The following SMARCD2 variants were observed in gnomAD, a reference collection of about 807,000 sequenced individuals.
SMARCD2 encodes SWI/SNF related BAF chromatin remodeling complex subunit D2.
SMARCD2 carries 39 observed loss-of-function variants against 70.4 expected under a neutral mutation model. The ratio of observed to expected loss-of-function variants is 0.55; its 90% CI spans 0.43 to 0.72. SMARCD2 has a LOEUF of 0.72. SMARCD2 is among the 30% of genes least tolerant of loss of function. SMARCD2 has a pLI of 0.00. For synonymous variants in SMARCD2, 249 were observed against 279.4 expected, an observed-to-expected ratio of 0.89 and a Z score of 1.08; for missense variants, 540 against 713.4, an observed-to-expected ratio of 0.76 and a Z score of 2.77.
At position 63,834,843 on chromosome 17, in the gene SMARCD2, A is replaced by C; in HGVS notation, c.724-43T>G. The C allele has an allele frequency of 7.6e-7, 1 of 1,324,378 alleles. No homozygotes were observed. 82.0% of individuals were successfully genotyped at this position (1,324,378 alleles called of 1,614,324 possible). On this transcript the variant is annotated intron_variant, in intron 5 of 12. Coordinates refer to ENST00000448276, the MANE Select transcript of SMARCD2 (RefSeq NM_001098426.2). This position sits in a 1 kb window ranked among gnomAD's most constrained non-coding sequence, Gnocchi z 5.6. ...TGTGAGATGGTGCTGCTGAGCTCTCAAATCTCAAGCTATGCTAAATCCCAA... is the reference window on the plus strand; with the variant it reads ...TGTGAGATGGTGCTGCTGAGCTCTCCAATCTCAAGCTATGCTAAATCCCAA...
Position 63,833,255 on chromosome 17 carries a change from C to T in SMARCD2, c.1440+43G>A. The T allele has an allele frequency of 6.2e-7, 1 of 1,613,522 alleles. No homozygotes were observed. Among genetic ancestry groups the T allele is most frequent in the Non-Finnish European group, 8.5e-7 (1 of 1,179,524 alleles). ...GGGAACTGCTGTGGGTAAAAATCAC[C>T]CAGAGCTTTACATAGGAGTCCCCTC... On this transcript the variant is annotated intron_variant, in intron 11 of 12. Transcript: ENST00000448276. This position sits in a 1 kb window ranked among gnomAD's most constrained non-coding sequence, Gnocchi z 4.3.
rs759533186 is a variant in SMARCD2, at chr17:63,833,718, C to G, written c.1186G>C (p.Asp396His). 1.2e-6 allele frequency: 2 copies of G among 1,613,942 alleles called. No homozygotes were observed. Among genetic ancestry groups the G allele is most frequent in the East Asian group, 2.2e-5 (1 of 44,878 alleles). Residue 396 changes from aspartate (D) to histidine (H), a missense_variant, in exon 10 of 13, where the codon GAC (aspartate) becomes CAC (histidine). Asp to His is a moderately conservative substitution (Grantham distance 81). Coordinates refer to ENST00000448276, the MANE Select transcript of SMARCD2 (RefSeq NM_001098426.2). This position sits in a 1 kb window ranked among gnomAD's most constrained non-coding sequence, Gnocchi z 4.3. ...PIVINHVISV[D>H]PNDQKKTACY... is the part of the protein sequence containing the mutation. ...GCTGTCTTCTTCTGGTCGTTAGGGT[C>G]GACACTGCAGGCAGCACATGGGGAG...
Position 63,833,990 on chromosome 17 carries a change from C to A in SMARCD2, c.1100G>T (p.Arg367Leu). The A allele has an allele frequency of 1.2e-6, 2 of 1,613,782 alleles. No individual in the cohort carries two copies. Among genetic ancestry groups the A allele is most frequent in the South Asian group, 1.1e-5 (1 of 91,074 alleles). ...CATGGGAATCTCGGAGAAACGGAGTCGGCCACAACTGAAGATCTGGAGGAA... is the reference window on the plus strand; with the variant it reads ...CATGGGAATCTCGGAGAAACGGAGTAGGCCACAACTGAAGATCTGGAGGAA... ...RYFRQIFSCG[R>L]LRFSEIPMKL... The change falls in exon 9 of 13, where the codon CGA becomes CTA. Residue 367 changes from arginine to leucine, a missense_variant. Coordinates refer to ENST00000448276, the MANE Select transcript of SMARCD2 (RefSeq NM_001098426.2). The surrounding 1 kb of genome is among the most constrained non-coding windows in gnomAD (Gnocchi z 4.3).
At chr17:63,842,228 G>C (rs1904492918) in intron 1 of SMARCD2, among the ~76,000 whole-genome samples, 1 of 152,028 alleles carries the variant, frequency 6.6e-6, no homozygotes, top group South Asian at 2.1e-4. Context: ...CCTGTGCCGC[G>C]GAAGCCCCCA....
intron 4 of SMARCD2, 118 bp downstream of exon 4, chr17:63,836,804 G>A: frequency 1.2e-6 from 1 of 844,126 alleles, no homozygotes; most frequent in Non-Finnish European, 2.0e-6. Flanking sequence ...TCTACTAGTG[G>A]GCTGCATCCT....
chr17:63,839,342 A>G, intron 1 of SMARCD2: 1 of 505,912 alleles, frequency 2.0e-6, no homozygotes, highest in Non-Finnish European at 2.6e-6. Context: ...AACCTGCAGC[A>G]CCACCCATCC....
rs191015799 is a variant in SMARCD2 at position 63,832,948 on chromosome 17, C to T, written c.1586G>A (p.Arg529His). 33 of 1,568,896 alleles carry T rather than the reference C, an allele frequency of 2.1e-5. No individual in the cohort carries two copies. Among genetic ancestry groups the T allele is most frequent in the Admixed American group, 3.7e-5 (2 of 53,636 alleles). The change falls in exon 13 of 13, where the codon CGC (arginine) becomes CAC (histidine). Residue 529 changes from arginine to histidine, a missense_variant. Physicochemically the swap from Arg to His is conservative, Grantham distance 29. Transcript: ENST00000448276. ...RQELEQVLGI[R>H]LT ...AAGATCCCTGAGCAGTTAGGTCAGG[C>T]GAATTCCCAGCACCTGTTCCAGTTC...
intron 4 of SMARCD2, among the ~76,000 whole-genome samples, chr17:63,835,894 A>C (rs1330593567): frequency 2.6e-5 from 4 of 152,044 alleles, no homozygotes; most frequent in Non-Finnish European, 4.4e-5. Context: ...ATGCCCAGCT[A>C]ATTTTTTGTG....
intron 1 of SMARCD2, 71 bp downstream of exon 1, chr17:63,842,388 C>T (rs1904503220): frequency 1.6e-6 from 2 of 1,265,520 alleles, no homozygotes; most frequent in East Asian, 3.8e-5. Context: ...CACTCGAGGC[C>T]CCTTCAGCCG....
chr17:63,837,053 A>G lies in SMARCD2; in HGVS notation c.445-9T>C. The G allele has an allele frequency of 6.2e-7, 1 of 1,613,146 alleles. No homozygotes were observed. The highest frequency in any genetic ancestry group is 8.5e-7 in the Non-Finnish European group (1 of 1,179,118). On this transcript the variant is annotated splice_polypyrimidine_tract_variant and intron_variant, in intron 3 of 12. Transcript: ENST00000448276. The surrounding 1 kb of genome is among the most constrained non-coding windows in gnomAD (Gnocchi z 6.4). ...GGAACAAGCTCCCGGATCTGAAGGAAGGTAGCAGAAGCTCATCAGCTTGCT... is the reference window on the plus strand; with the variant it reads ...GGAACAAGCTCCCGGATCTGAAGGAGGGTAGCAGAAGCTCATCAGCTTGCT...
chr17:63,837,586 C>T lies in SMARCD2; in HGVS notation c.256G>A (p.Gly86Ser), dbSNP rs2040282737. 5 of 1,613,002 alleles carry T rather than the reference C, an allele frequency of 3.1e-6. No homozygotes were observed. The highest frequency in any genetic ancestry group is 4.2e-6 in the Non-Finnish European group (5 of 1,179,630). The stretch of plus-strand genomic sequence containing the variant: ...CCAGCAGGGGGTCCCACCTGCAAGC[C>T]AGCCATGGGCATCCGGTTCCCTGGT... Reference protein sequence around the residue: ...MSPGNRMPMAGLQVGPPAGSP... With the variant: ...MSPGNRMPMASLQVGPPAGSP... Residue 86 changes from glycine (G) to serine (S), a missense_variant, in exon 2 of 13, where the codon GGC becomes AGC. Physicochemically the swap from Gly to Ser is moderately conservative, Grantham distance 56 (BLOSUM62 0). Transcript: ENST00000448276. The surrounding 1 kb of genome is among the most constrained non-coding windows in gnomAD (Gnocchi z 6.4).
At chr17:63,836,815 G>GC in intron 4 of SMARCD2, 107 bp downstream of exon 4, 1 of 1,001,246 alleles carries the variant, frequency 1.0e-6, no homozygotes, top group Non-Finnish European at 1.5e-6. Flanking sequence ...GCTGCATCCT[G>GC]CATGTGAAAA....
In SMARCD2 at chr17:63,837,267, T is replaced by TC; in HGVS notation, c.402-31dup. The TC allele has an allele frequency of 6.2e-7, 1 of 1,609,986 alleles. No homozygotes were observed. Among genetic ancestry groups the TC allele is most frequent in the Non-Finnish European group, 8.5e-7 (1 of 1,176,608 alleles). On this transcript the variant is annotated intron_variant, in intron 2 of 12. Transcript: ENST00000448276. The surrounding 1 kb of genome is among the most constrained non-coding windows in gnomAD (Gnocchi z 6.4). ...GGAGGACAGAAACCCACTTAAGAGGTCAATGGTCCAAAAAAGGACACTCAC... is the reference window on the plus strand; with the variant it reads ...GGAGGACAGAAACCCACTTAAGAGGTCCAATGGTCCAAAAAAGGACACTCAC...
intron 1 of SMARCD2, 82 bp downstream of exon 1, chr17:63,842,377 T>C: frequency 8.1e-7 from 1 of 1,236,720 alleles, no homozygotes; most frequent in South Asian, 2.1e-5. Flanking sequence ...CCCAGGGCCC[T>C]CACTCGAGGC....
At chr17:63,836,500 GAAAAAAAAAA>G (rs61376475) in intron 4 of SMARCD2, among the ~76,000 whole-genome samples, 1 of 64,830 alleles carries the variant, frequency 1.5e-5, no homozygotes, top group Non-Finnish European at 3.3e-5. Context: ...CTCCATCTCA[GAAAAAAAAAA>G]AAAAAAAAAA....
At position 63,835,585 on chromosome 17, in the gene SMARCD2, A is replaced by G. The variant is rs770131442; in HGVS notation, c.568-18T>C. 9 of 1,612,768 alleles carry G rather than the reference A, an allele frequency of 5.6e-6. No individual in the cohort carries two copies. Among genetic ancestry groups the G allele is most frequent in the Non-Finnish European group, 7.6e-6 (9 of 1,179,218 alleles). The stretch of plus-strand genomic sequence containing the variant: ...CGCTTTTGCTAAAGAGAGAAAGGCA[A>G]TCACAACTGGAGGTGGACCAAGATG... On this transcript the variant is annotated intron_variant, in intron 4 of 12. Transcript: ENST00000448276.
At chr17:63,841,544 C>T (rs962562948) in intron 1 of SMARCD2, among the ~76,000 whole-genome samples, 10 of 152,260 alleles carry the variant, frequency 6.6e-5, no homozygotes, top group African/African-American at 2.4e-4. Context: ...TCTGGGGCAA[C>T]CTGAACAGCA....
In SMARCD2 at chr17:63,838,727, C is replaced by G. The variant is rs767650771; in HGVS notation, c.217-1102G>C. ...GTTTGGCAGCTCTGCCTTGCACACA[C>G]TGTCCCTGGCAGCTTCACAGGGCTG... is the stretch of plus-strand genomic sequence containing the variant. On this transcript the variant is annotated intron_variant, in intron 1 of 12. Coordinates refer to ENST00000448276, the MANE Select transcript of SMARCD2 (RefSeq NM_001098426.2). 31 of 1,316,648 alleles carry G rather than the reference C, an allele frequency of 2.4e-5. No individual in the cohort carries two copies. The South Asian group carries it at 3.6e-4, about 15-fold the overall frequency. The allele number at this position is 1,316,648 out of a possible 1,614,324, so 81.6% of individuals were successfully genotyped here. A position where few individuals can be genotyped will look rare whatever the true frequency, so the allele number is the denominator to read the frequency against.
rs372945061 is a variant in SMARCD2, at chr17:63,835,562, C to G, written c.573G>C (p.Lys191Asn). ...TGGAAATGTAGATCCGAAGCTTTCG[C>G]TTTTGCTAAAGAGAGAAAGGCAATC... Reference protein sequence around the residue: ...QEAIKKPLTQKRKLRIYISNT... With the variant: ...QEAIKKPLTQNRKLRIYISNT... The change falls in exon 5 of 13, where the codon AAG becomes AAC. Residue 191 changes from lysine to asparagine, a missense_variant. Physicochemically the swap from Lys to Asn is moderately conservative, Grantham distance 94. Transcript: ENST00000448276. 1 of 1,613,750 alleles carries G rather than the reference C, an allele frequency of 6.2e-7. No individual in the cohort carries two copies. Among genetic ancestry groups the G allele is most frequent in the Non-Finnish European group, 8.5e-7 (1 of 1,179,768 alleles).
Sources: gnomAD v4.1 joint callset for allele counts (sites outside exome capture counted in the v4.1 genomes callset) on GRCh38, gnomAD v4.1.1 for gene constraint, Gnocchi (gnomAD v3.1) non-coding constraint, MANE v1.5 for transcripts, NCBI Gene and HGNC (gene_info 2026-07-23, HGNC 2026-07-21) for gene names.